The following NDST3 variants were observed in gnomAD, a reference collection of about 807,000 sequenced individuals.
NDST3 encodes the protein bifunctional heparan sulfate N-deacetylase/N-sulfotransferase 3.
NDST3 carries 58 observed loss-of-function variants against 96.1 expected under a neutral mutation model. That is an observed-to-expected ratio of 0.60 (90% CI 0.49 to 0.75). NDST3 has a LOEUF of 0.75. NDST3 is among the 30% of genes least tolerant of loss of function. NDST3 has a pLI of 0.00. For missense variants in NDST3, 788 were observed against 1,034.2 expected (o/e 0.76, Z 3.27); for synonymous variants, 333 against 359.7 (o/e 0.93, Z 0.84).
intron 6 of NDST3, among the ~76,000 whole-genome samples, chr4:118,203,912 T>C (rs2125981937): frequency 6.6e-6 from 1 of 152,162 alleles, no homozygotes; most frequent in South Asian, 2.1e-4. Flanking sequence ...AACACAAAAA[T>C]CCCTATAAAT....
intron 1 of NDST3, among the ~76,000 whole-genome samples, chr4:118,044,975 T>C (rs1724680614): frequency 6.6e-6 from 1 of 152,138 alleles, no homozygotes; most frequent in Non-Finnish European, 1.5e-5. Flanking sequence ...ACTGTTGCAT[T>C]GGGAATTAAA....
intron 4 of NDST3, among the ~76,000 whole-genome samples, chr4:118,127,627 A>T (rs10021970): frequency 0.035 from 5,389 of 151,992 alleles, 141 homozygotes; most frequent in African/African-American, 0.072. Context: ...AGGTAATGTG[A>T]TTCTTCCAAT....
At chr4:118,143,438 G>A (rs10033308) in intron 5 of NDST3, 118 bp from the exon 6 acceptor site, 904,386 of 1,006,412 alleles carry the variant, frequency 0.9, 411,338 homozygotes, top group South Asian at 0.95. Context: ...TCCAGGCCCT[G>A]GTTAGACCTG....
At chr4:118,229,639 G>T (rs969219625) in intron 8 of NDST3, among the ~76,000 whole-genome samples, 1 of 152,072 alleles carries the variant, frequency 6.6e-6, no homozygotes, top group Non-Finnish European at 1.5e-5. Context: ...GTCATGAAAG[G>T]CTATTAAAAG....
intron 3 of NDST3, among the ~76,000 whole-genome samples, chr4:118,114,224 C>T (rs1730871965): frequency 6.6e-6 from 1 of 152,212 alleles, no homozygotes; most frequent in East Asian, 1.9e-4. Flanking sequence ...CACCACTTCA[C>T]AACTTCTGTC....
rs1742157599 is a variant in NDST3, at chr4:118,256,983, G to C, written c.*1271G>C. On this transcript the variant is annotated 3_prime_UTR_variant, in exon 14 of 14. Transcript: ENST00000296499. ...GTAACAGATCATAGGTACAATTAAG[G>C]ATTAGCTACTAAATTAAATGCAGGA... 3 of 152,082 alleles carry C rather than the reference G, an allele frequency of 2.0e-5. No individual in the cohort carries two copies. Among genetic ancestry groups the C allele is most frequent in the Non-Finnish European group, 4.4e-5 (3 of 68,026 alleles). The allele number at this position is 152,082 out of a possible 1,614,324, so 9.4% of individuals were successfully genotyped here.
intron 2 of NDST3, among the ~76,000 whole-genome samples, chr4:118,062,071 G>A (rs1294045589): frequency 1.3e-5 from 2 of 152,136 alleles, no homozygotes. Context: ...GTAGACTACG[G>A]TCTGTTTACA....
chr4:118,145,988 ATTAG>A (rs1733913098), intron 6 of NDST3, among the ~76,000 whole-genome samples: 1 of 152,208 alleles, frequency 6.6e-6, no homozygotes, highest in Non-Finnish European at 1.5e-5. Context: ...GACTACTATA[ATTAG>A]TTAGTGATGT....
At chr4:118,096,670 G>C (rs868017244) in intron 2 of NDST3, among the ~76,000 whole-genome samples, 21 of 149,918 alleles carry the variant, frequency 1.4e-4, no homozygotes, top group South Asian at 2.1e-4. Flanking sequence ...TAGATAGATA[G>C]ATAGATAGAT....
chr4:118,253,606 G>A lies in NDST3; in HGVS notation c.2502+5G>A. On this transcript the variant is annotated splice_donor_5th_base_variant and intron_variant, in intron 13 of 13. Coordinates refer to ENST00000296499, the MANE Select transcript of NDST3 (RefSeq NM_004784.3). Reference sequence around the variant, plus strand: ...TACCCTCCAATGGATTCTGATGTAAGCATAGACCTTAAAAATACAAACTAA... The same window carrying A: ...TACCCTCCAATGGATTCTGATGTAAACATAGACCTTAAAAATACAAACTAA... 6.3e-7 allele frequency: 1 copy of A among 1,574,986 alleles called. No homozygotes were observed.
At chr4:118,148,421 C>G (rs1734120049) in intron 6 of NDST3, among the ~76,000 whole-genome samples, 1 of 152,158 alleles carries the variant, frequency 6.6e-6, no homozygotes. Flanking sequence ...TTAGCTAACC[C>G]CTTTATGCAC....
chr4:118,201,240 G>T (rs1184983843), intron 6 of NDST3, among the ~76,000 whole-genome samples: 1 of 152,202 alleles, frequency 6.6e-6, no homozygotes, highest in East Asian at 1.9e-4. Flanking sequence ...GTGCAACAAT[G>T]AACAGAAAAG....
At chr4:118,178,404 G>A (rs1227120331) in intron 6 of NDST3, among the ~76,000 whole-genome samples, 1 of 151,884 alleles carries the variant, frequency 6.6e-6, no homozygotes, top group Non-Finnish European at 1.5e-5. Flanking sequence ...ACTATTCCAG[G>A]TACCTCACTT....
At chr4:118,163,865 G>T (rs1041629426) in intron 6 of NDST3, among the ~76,000 whole-genome samples, 21 of 152,256 alleles carry the variant, frequency 1.4e-4, no homozygotes, top group African/African-American at 5.1e-4. Context: ...TGGTGAGGTT[G>T]CAGAGAAAAG....
intron 6 of NDST3, among the ~76,000 whole-genome samples, chr4:118,161,646 G>A (rs879265623): frequency 1.3e-5 from 2 of 152,244 alleles, no homozygotes; most frequent in East Asian, 1.9e-4. Flanking sequence ...AGCAATCAGC[G>A]AGACTCCATG....
chr4:118,214,218 G>C (rs1039188088), intron 6 of NDST3, among the ~76,000 whole-genome samples: 6 of 152,072 alleles, frequency 3.9e-5, no homozygotes, highest in African/African-American at 1.2e-4. Context: ...CAAGTAAGTG[G>C]GAAAATATGA....
At chr4:118,199,416 T>G (rs1234027967) in intron 6 of NDST3, among the ~76,000 whole-genome samples, 1 of 152,162 alleles carries the variant, frequency 6.6e-6, no homozygotes, top group Non-Finnish European at 1.5e-5. Context: ...TTTTAATTAT[T>G]TTAATCTCTT....
chr4:118,142,451 A>G (rs1733639218), intron 5 of NDST3, among the ~76,000 whole-genome samples: 1 of 151,928 alleles, frequency 6.6e-6, no homozygotes, highest in South Asian at 2.1e-4. Flanking sequence ...TAAAATAAAA[A>G]ATAAAAATAA....
chr4:118,126,537 CATAT>C (rs956364801), intron 4 of NDST3, among the ~76,000 whole-genome samples: 2 of 20,298 alleles, frequency 9.9e-5, no homozygotes, highest in African/African-American at 7.5e-5. Context: ...TATATATACA[CATAT>C]ATATATATAT....
Sources: gnomAD v4.1 joint callset for allele counts (sites outside exome capture counted in the v4.1 genomes callset) on GRCh38, gnomAD v4.1.1 for gene constraint, MANE v1.5 for transcripts, NCBI Gene and HGNC (gene_info 2026-07-23, HGNC 2026-07-21) for gene names.